CTDP1: variants seen among roughly 807,000 people sequenced by gnomAD.
The protein encoded by CTDP1 is RNA polymerase II subunit A C-terminal domain phosphatase.
CTDP1 carries 47 observed loss-of-function variants against 91.8 expected under a neutral mutation model. The observed-to-expected ratio is 0.51, with a 90% confidence interval of 0.41 to 0.65. CTDP1 has a LOEUF of 0.65. CTDP1 is among the 30% of genes least tolerant of loss of function. The pLI is 0.00. For missense variants in CTDP1, 1,272 were observed against 1,373.7 expected, an observed-to-expected ratio of 0.93 and a Z score of 1.17; for synonymous variants, 656 against 598.5, an observed-to-expected ratio of 1.10 and a Z score of -1.40.
intron 11 of CTDP1, among the ~76,000 whole-genome samples, chr18:79,730,399 C>T (rs2086541453): frequency 6.6e-6 from 1 of 152,234 alleles, no homozygotes; most frequent in South Asian, 2.1e-4. Context: ...CCTGGTCGGG[C>T]GTGGAGGACT....
chr18:79,708,771 G>A (rs573668829), intron 5 of CTDP1, among the ~76,000 whole-genome samples: 14 of 152,368 alleles, frequency 9.2e-5, no homozygotes, highest in East Asian at 5.8e-4. Flanking sequence ...TCCAGTCCCC[G>A]TTTTGTTCCA....
At chr18:79,706,341 A>G (rs2085966436) in intron 5 of CTDP1, among the ~76,000 whole-genome samples, 1 of 152,130 alleles carries the variant, frequency 6.6e-6, no homozygotes, top group African/African-American at 2.4e-5. Flanking sequence ...CCAAATCCCC[A>G]TGTGTTCCAG....
intron 5 of CTDP1, among the ~76,000 whole-genome samples, chr18:79,707,788 C>T (rs1331960146): frequency 6.6e-6 from 1 of 152,132 alleles, no homozygotes; most frequent in East Asian, 1.9e-4. Flanking sequence ...AGCTTTTCTA[C>T]AAGTGAGAAA....
intron 3 of CTDP1, among the ~76,000 whole-genome samples, chr18:79,697,639 T>C (rs1434659158): frequency 3.3e-5 from 5 of 152,216 alleles, no homozygotes; most frequent in African/African-American, 1.2e-4. Flanking sequence ...TTTCATTGGC[T>C]CATGTATTTA....
chr18:79,732,465 C>G (rs2086585756), intron 11 of CTDP1, among the ~76,000 whole-genome samples: 1 of 85,470 alleles, frequency 1.2e-5, no homozygotes, highest in African/African-American at 4.2e-5. Flanking sequence ...GGAGTGCTCC[C>G]AAAATCACGT....
chr18:79,711,929 G>C (rs904175040), intron 6 of CTDP1, among the ~76,000 whole-genome samples: 1 of 61,230 alleles, frequency 1.6e-5, no homozygotes, highest in African/African-American at 5.7e-5. Context: ...GGTGTGGCTT[G>C]TTTTCCCGAG....
chr18:79,705,238 G>A (rs1008100377), intron 5 of CTDP1, among the ~76,000 whole-genome samples: 15 of 152,260 alleles, frequency 9.9e-5, no homozygotes, highest in African/African-American at 2.9e-4. Flanking sequence ...GGGACTTTGG[G>A]CCGGGCTGCT....
upstream of CTDP1, chr18:79,679,251 G>C: frequency 8.1e-6 from 3 of 371,210 alleles, no homozygotes. Flanking sequence ...AGGAAGAGAA[G>C]ACCGCAACCC....
rs1232764592 is a variant in CTDP1, at chr18:79,704,934, C to T, written c.772+17C>T. On this transcript the variant is annotated intron_variant, in intron 5 of 12. Coordinates refer to ENST00000613122, the MANE Select transcript of CTDP1 (RefSeq NM_004715.5). Reference sequence around the variant, plus strand: ...CCATCGCAGGTCAGTCAAGCCGCAGCCGAAGAGGCCGTGTGAACAGTGGGT... The same window carrying T: ...CCATCGCAGGTCAGTCAAGCCGCAGTCGAAGAGGCCGTGTGAACAGTGGGT... The T allele has an allele frequency of 1.9e-6, 3 of 1,612,594 alleles. No individual in the cohort carries two copies. The highest frequency in any genetic ancestry group is 3.3e-4 in the Middle Eastern group (2 of 6,062).
At chr18:79,694,734 C>T (rs762758985) in intron 1 of CTDP1, among the ~76,000 whole-genome samples, 2 of 152,224 alleles carry the variant, frequency 1.3e-5, no homozygotes, top group African/African-American at 4.8e-5. Context: ...TGCCAGAAGA[C>T]CACTGTTTGG....
intron 5 of CTDP1, among the ~76,000 whole-genome samples, chr18:79,706,074 G>A (rs1274220335): frequency 2.0e-5 from 3 of 152,196 alleles, no homozygotes; most frequent in Non-Finnish European, 4.4e-5. Context: ...GTTAGGAGGG[G>A]CGTGGGAGGT....
intron 10 of CTDP1, among the ~76,000 whole-genome samples, chr18:79,724,302 A>G (rs977698258): frequency 6.6e-6 from 1 of 152,178 alleles, no homozygotes; most frequent in Admixed American, 6.5e-5. Flanking sequence ...TAACCTATCT[A>G]AGTTTTTATT....
At chr18:79,703,225 G>T (rs2085896333) in intron 4 of CTDP1, 1 of 152,168 alleles carries the variant, frequency 6.6e-6, no homozygotes, top group South Asian at 2.1e-4. Context: ...TGGGAAAGTT[G>T]TTACTAGAAC....
In CTDP1 at chr18:79,684,093, G is replaced by A. The variant is rs558498880; in HGVS notation, c.314+3832G>A. On this transcript the variant is annotated intron_variant, in intron 1 of 12. Coordinates refer to ENST00000613122, the MANE Select transcript of CTDP1 (RefSeq NM_004715.5). ...CAGCCTGAGTGTGCTAAGCTCAAGC[G>A]TCGCTTGTGTGCCATCACCTTAGTG... Among the ~76,000 whole-genome samples the A allele has an allele frequency of 3.3e-5, 5 of 152,360 alleles. No individual in the cohort carries two copies. The South Asian group carries it at 8.3e-4, about 25-fold the overall frequency.
At position 79,704,780 on chromosome 18, in the gene CTDP1, T is replaced by A. The variant is rs1190734652; in HGVS notation, c.635T>A (p.Phe212Tyr). The A allele has an allele frequency of 3.7e-6, 6 of 1,613,740 alleles. No individual in the cohort carries two copies. ...QQMSNKGIFH[F>Y]QLGRGEPMLH... ...TATTCTTTTTAGGGCATCTTTCACT[T>A]CCAGCTGGGCCGGGGTGAGCCCATG... Residue 212 changes from phenylalanine (F) to tyrosine (Y), a missense_variant, in exon 5 of 13, where the codon TTC becomes TAC. Phe to Tyr is a conservative substitution (Grantham distance 22, BLOSUM62 3). Around this residue, in one of 3 missense-constraint regions of CTDP1, gnomAD observed 177 missense variants for 283.0 expected, o/e 0.63. Transcript: ENST00000613122.
chr18:79,752,244 C>G (rs1347231875), intron 12 of CTDP1, among the ~76,000 whole-genome samples: 20 of 151,170 alleles, frequency 1.3e-4, no homozygotes, highest in Admixed American at 1.3e-3. Flanking sequence ...GTGGCACCGG[C>G]TGGTTATGCA....
At chr18:79,718,083 TG>T in intron 10 of CTDP1, 67 bp downstream of exon 10, 1 of 1,575,212 alleles carries the variant, frequency 6.3e-7, no homozygotes. Flanking sequence ...TCCAGTCTGT[TG>T]GGGGGATGGC....
At chr18:79,751,188 G>A (rs1398932117) in intron 12 of CTDP1, among the ~76,000 whole-genome samples, 1 of 141,426 alleles carries the variant, frequency 7.1e-6, no homozygotes, top group Non-Finnish European at 1.6e-5. Flanking sequence ...TTGGGAGGGA[G>A]GGGCTGGGCA....
chr18:79,711,797 CG>C, intron 6 of CTDP1, among the ~76,000 whole-genome samples: 1 of 152,202 alleles, frequency 6.6e-6, no homozygotes, highest in East Asian at 1.9e-4. Context: ...GGCCGCTCCC[CG>C]CCCCTCCGCA....
Sources: allele counts gnomAD v4.1 joint callset (sites outside exome capture counted in the v4.1 genomes callset), GRCh38; gene constraint gnomAD v4.1.1; regional missense constraint gnomAD v4.1.1; transcripts MANE v1.5; gene names NCBI Gene and HGNC (gene_info 2026-07-23, HGNC 2026-07-21).